ZNF800: variants seen among roughly 807,000 people sequenced by gnomAD.
ZNF800 encodes the protein zinc finger protein 800.
ZNF800 carries 13 observed loss-of-function variants against 59.5 expected under a neutral mutation model. The observed-to-expected ratio is 0.22, with a 90% CI of 0.14 to 0.35. The LOEUF is 0.35. Ranked by LOEUF, ZNF800 falls within the 10% of genes least tolerant of loss-of-function variation. The probability of loss-of-function intolerance (pLI) is 1.00; values close to 1 mark genes in which losing one functional copy is unlikely to be tolerated. For missense variants in ZNF800, 621 were observed against 783.7 expected (o/e 0.79, Z 2.48); for synonymous variants, 266 against 265.7 (o/e 1.00, Z -0.01).
chr7:127,390,814 C>T (rs890323227), intron 2 of ZNF800, among the ~76,000 whole-genome samples: 2 of 152,086 alleles, frequency 1.3e-5, no homozygotes, highest in Non-Finnish European at 2.9e-5. Flanking sequence ...TCAAGTTTAT[C>T]AAATTAAAGT....
downstream of ZNF800, among the ~76,000 whole-genome samples, chr7:127,343,046 A>G (rs1286344843): frequency 6.6e-6 from 1 of 152,158 alleles, no homozygotes; most frequent in East Asian, 1.9e-4. Context: ...AGCAACAATT[A>G]AGAGACTACA....
Position 127,384,234 on chromosome 7 carries a change from T to C in ZNF800, c.157+1826A>G, listed in dbSNP as rs1162726577. 1.1e-4 allele frequency among the ~76,000 whole-genome samples: 10 copies of C among 90,944 alleles called. No individual in the cohort carries two copies. The East Asian group carries it at 3.0e-3, about 28-fold the overall frequency. 59.7% of individuals were successfully genotyped at this position (90,944 alleles called of 152,430 possible). On this transcript the variant is annotated intron_variant, in intron 3 of 5. Transcript: ENST00000265827. Reference sequence around the variant, plus strand: ...CTTAACTAATTCTAACTTCTTTTTTTTTTTTTTTTTTTTTTTTTAGACAGA... The same window carrying C: ...CTTAACTAATTCTAACTTCTTTTTTCTTTTTTTTTTTTTTTTTTAGACAGA...
intron 2 of ZNF800, among the ~76,000 whole-genome samples, 153 bp from the exon 3 acceptor site, chr7:127,386,308 T>C (rs1297632647): frequency 1.3e-5 from 2 of 152,114 alleles, no homozygotes; most frequent in Non-Finnish European, 2.9e-5. Context: ...TATGTAGATA[T>C]ATATATAATT....
At chr7:127,391,787 C>T (rs1378008573) in intron 1 of ZNF800, among the ~76,000 whole-genome samples, 172 bp from the exon 2 acceptor site, 2 of 152,174 alleles carry the variant, frequency 1.3e-5, no homozygotes, top group African/African-American at 2.4e-5. Flanking sequence ...CCCAAACTCC[C>T]CACACAGGTT....
Position 127,374,188 on chromosome 7 carries a change from T to C in ZNF800, c.1148A>G (p.Lys383Arg). 1 of 1,614,124 alleles carries C rather than the reference T, an allele frequency of 6.2e-7. No homozygotes were observed. Among genetic ancestry groups the C allele is most frequent in the African/African-American group, 1.3e-5 (1 of 75,054 alleles). Reference sequence around the variant, plus strand: ...AGAGTTTGTTCCAGAAAGAGTTATCTTGTGGACAATTTGCATATGTCTTTT... The same window carrying C: ...AGAGTTTGTTCCAGAAAGAGTTATCCTGTGGACAATTTGCATATGTCTTTT... Reference protein sequence around the residue: ...MLKRHMQIVHKITLSGTNSKR... With the variant: ...MLKRHMQIVHRITLSGTNSKR... Residue 383 changes from lysine (K) to arginine (R), a missense_variant, in exon 5 of 6, where the codon AAG becomes AGG. This residue lies in a region of ZNF800 where 185 missense variants were observed against 177.6 expected (regional missense o/e 1.04). Transcript: ENST00000265827.
chr7:127,374,071 G>C lies in ZNF800; in HGVS notation c.1265C>G (p.Ser422Cys). Reference sequence around the variant, plus strand: ...TTCATTCTGTGGAGAATGGGTAATGGAAGGGGGTGAAGATTCTACAGAATC... The same window carrying C: ...TTCATTCTGTGGAGAATGGGTAATGCAAGGGGGTGAAGATTCTACAGAATC... ...PADSVESSPP[S>C]ITHSPQNELK... is the part of the protein sequence containing the mutation. The change falls in exon 5 of 6, where the codon TCC becomes TGC. Residue 422 changes from serine (S) to cysteine (C), a missense_variant. Ser to Cys is a moderately radical substitution (Grantham distance 112). Transcript: ENST00000265827. 10 of 1,614,104 alleles carry C rather than the reference G, an allele frequency of 6.2e-6. No individual in the cohort carries two copies. Among genetic ancestry groups the C allele is most frequent in the Non-Finnish European group, 7.6e-6 (9 of 1,180,012 alleles).
At position 127,371,234 on chromosome 7, in the gene ZNF800, T is replaced by G. The variant is rs1480037086; in HGVS notation, c.*580A>C. On this transcript the variant is annotated 3_prime_UTR_variant, in exon 6 of 6. Coordinates refer to ENST00000265827, the MANE Select transcript of ZNF800 (RefSeq NM_176814.5). ...ATTTTAGGATGAAACTTTCAAACAC[T>G]GAAGTGCTGGAGAACAAGCTAGAAA... The G allele has an allele frequency of 6.6e-6, 1 of 152,640 alleles. No individual in the cohort carries two copies. Among genetic ancestry groups the G allele is most frequent in the Non-Finnish European group, 1.5e-5 (1 of 68,022 alleles). The allele number at this position is 152,640 out of a possible 1,614,324, so 9.5% of individuals were successfully genotyped here.
chr7:127,363,698 C>T (rs1467265800), intron 1 of ZNF800: 2 of 151,672 alleles, frequency 1.3e-5, no homozygotes, highest in East Asian at 3.9e-4. Flanking sequence ...TTGGTAAGGG[C>T]AAACCAAATG....
At chr7:127,366,909 T>A (rs944697885), downstream of ZNF800, among the ~76,000 whole-genome samples, 3 of 152,134 alleles carry the variant, frequency 2.0e-5, no homozygotes, top group African/African-American at 7.2e-5. Flanking sequence ...CTAATTAGAT[T>A]TCCTCTTACA....
intron 1 of ZNF800, among the ~76,000 whole-genome samples, chr7:127,356,607 AGG>A (rs1325912736): frequency 3.9e-4 from 60 of 152,092 alleles, no homozygotes; most frequent in Non-Finnish European, 6.8e-4. Context: ...GACTGGAAAC[AGG>A]TAAAAGTTTA....
chr7:127,374,866 G>A lies in ZNF800; in HGVS notation c.470C>T (p.Thr157Ile), dbSNP rs1299524231. Residue 157 changes from threonine to isoleucine, a missense_variant, in exon 5 of 6, where the codon ACA becomes ATA. Around this residue, in one of 7 missense-constraint regions of ZNF800, gnomAD observed 218 missense variants for 230.8 expected, o/e 0.94. Transcript: ENST00000265827. ...ISRTDNPIEV[T>I]ESSSTPEQTE... Reference sequence around the variant, plus strand: ...TTGTTCAGGAGTACTGCTTGACTCTGTGACTTCAATAGGATTATCAGTCCT... The same window carrying A: ...TTGTTCAGGAGTACTGCTTGACTCTATGACTTCAATAGGATTATCAGTCCT... The A allele has an allele frequency of 3.7e-6, 6 of 1,613,840 alleles. No individual in the cohort carries two copies. The highest frequency in any genetic ancestry group is 5.1e-6 in the Non-Finnish European group (6 of 1,179,872).
chr7:127,379,963 C>T (rs956472007), intron 3 of ZNF800, among the ~76,000 whole-genome samples: 2 of 150,332 alleles, frequency 1.3e-5, no homozygotes, highest in African/African-American at 4.9e-5. Context: ...ACAGATACAC[C>T]AAATGTATTC....
intron 3 of ZNF800, among the ~76,000 whole-genome samples, chr7:127,384,238 T>TTTTTTTTTTTTTTC (rs1801066750): frequency 7.6e-6 from 1 of 131,852 alleles, no homozygotes; most frequent in Non-Finnish European, 1.6e-5. Context: ...TTTTTTTTTT[T>TTTTTTTTTTTTTTC]TTTTTTTTTT....
intron 2 of ZNF800, among the ~76,000 whole-genome samples, chr7:127,389,694 C>G (rs1034596729): frequency 6.6e-6 from 1 of 152,024 alleles, no homozygotes; most frequent in Non-Finnish European, 1.5e-5. Flanking sequence ...GCTAACAAGG[C>G]AAGAAAACAG....
Position 127,377,383 on chromosome 7 carries a change from C to T in ZNF800, c.158-54G>A. ...ACACAAAAGGTAACTTTAACATGCA[C>T]TTTTAAACTGGACAACCACTGTTGA... On this transcript the variant is annotated intron_variant, in intron 3 of 5. Coordinates refer to ENST00000265827, the MANE Select transcript of ZNF800 (RefSeq NM_176814.5). The surrounding 1 kb of genome is among the most constrained non-coding windows in gnomAD (Gnocchi z 4.7). The T allele has an allele frequency of 6.8e-7, 1 of 1,480,266 alleles. No homozygotes were observed. Among genetic ancestry groups the T allele is most frequent in the Non-Finnish European group, 9.2e-7 (1 of 1,089,726 alleles). 91.7% of individuals were successfully genotyped at this position (1,480,266 alleles called of 1,614,324 possible).
At chr7:127,353,524 CTGAT>C (rs955891507) in intron 1 of ZNF800, among the ~76,000 whole-genome samples, 20 of 152,250 alleles carry the variant, frequency 1.3e-4, no homozygotes, top group Admixed American at 7.8e-4. Context: ...TATTTTTAGT[CTGAT>C]TAACTTTTTT....
chr7:127,372,674 TA>T, intron 5 of ZNF800: 1 of 984,862 alleles, frequency 1.0e-6, no homozygotes, highest in African/African-American at 1.8e-5. Flanking sequence ...AGATCAAAAC[TA>T]AAAAACAGTA....
intron 3 of ZNF800, among the ~76,000 whole-genome samples, chr7:127,378,129 C>T (rs895009628): frequency 5.3e-5 from 8 of 152,052 alleles, no homozygotes; most frequent in Non-Finnish European, 1.2e-4. Context: ...ATAAGCCTAT[C>T]TTATTTACAA....
chr7:127,375,312 A>T (rs1800761379), intron 4 of ZNF800, among the ~76,000 whole-genome samples: 1 of 152,146 alleles, frequency 6.6e-6, no homozygotes, highest in African/African-American at 2.4e-5. Flanking sequence ...AAAATATATA[A>T]GCACTTAGGT....
Sources: gnomAD v4.1 joint callset for allele counts (sites outside exome capture counted in the v4.1 genomes callset) on GRCh38, gnomAD v4.1.1 for gene constraint, gnomAD v4.1.1 regional missense constraint, Gnocchi (gnomAD v3.1) non-coding constraint, MANE v1.5 for transcripts, NCBI Gene and HGNC (gene_info 2026-07-23, HGNC 2026-07-21) for gene names.